Variants in ERBB4 observed in about 807,000 individuals in gnomAD.
ERBB4 encodes the protein erb-b2 receptor tyrosine kinase 4.
In ERBB4, 42 loss-of-function variants were observed where a neutral mutation model predicts 158.0. That is an observed-to-expected ratio of 0.27 (90% CI 0.21 to 0.34). The LOEUF (loss-of-function observed/expected upper bound fraction) is 0.34. ERBB4 is among the 10% of genes least tolerant of loss of function. The pLI is 1.00. For missense variants in ERBB4, 1,333 were observed against 1,624.1 expected, an observed-to-expected ratio of 0.82 and a Z score of 3.08; for synonymous variants, 583 against 558.7, an observed-to-expected ratio of 1.04 and a Z score of -0.61.
intron 16 of ERBB4, among the ~76,000 whole-genome samples, chr2:211,634,603 G>A (rs558331528): frequency 6.6e-6 from 1 of 152,066 alleles, no homozygotes; most frequent in Non-Finnish European, 1.5e-5. Context: ...TTAAATGGCT[G>A]TGCATCTCTC....
intron 1 of ERBB4, among the ~76,000 whole-genome samples, chr2:212,256,840 A>G (rs750217824): frequency 3.9e-5 from 6 of 152,176 alleles, no homozygotes; most frequent in Non-Finnish European, 7.3e-5. Flanking sequence ...CTTTGTCATA[A>G]TCTAAGCAAA....
intron 3 of ERBB4, among the ~76,000 whole-genome samples, chr2:211,842,629 T>C (rs2077498606): frequency 6.6e-6 from 1 of 152,050 alleles, no homozygotes; most frequent in Non-Finnish European, 1.5e-5. Context: ...AAACATTTTA[T>C]TTTGTTAAGT....
intron 1 of ERBB4, among the ~76,000 whole-genome samples, chr2:212,483,904 T>G (rs1327143236): frequency 6.6e-6 from 1 of 152,062 alleles, no homozygotes; most frequent in Non-Finnish European, 1.5e-5. Context: ...GCCCCTCTAA[T>G]TTTTTTAATT....
chr2:212,476,286 T>A (rs1689389681), intron 1 of ERBB4, among the ~76,000 whole-genome samples: 1 of 152,180 alleles, frequency 6.6e-6, no homozygotes, highest in South Asian at 2.1e-4. Flanking sequence ...GCAAAAACTT[T>A]AAGTTAGGAA....
rs1409148698 is a variant in ERBB4, at chr2:211,580,823, AT to A, written c.2302-18736del. Among the ~76,000 whole-genome samples the A allele has an allele frequency of 1.6e-3, 70 of 45,102 alleles. 8 individuals are homozygous for A. Among genetic ancestry groups the A allele is most frequent in the African/African-American group, 3.6e-3 (67 of 18,594 alleles). 29.6% of individuals were successfully genotyped at this position (45,102 alleles called of 152,430 possible). ...ATATATATATATATAATATATATAT[AT>A]TATATATATAGATTATATATTATAT... On this transcript the variant is annotated intron_variant, in intron 19 of 27. Transcript: ENST00000342788.
intron 5 of ERBB4, among the ~76,000 whole-genome samples, chr2:211,727,829 C>G (rs949376909): frequency 7.2e-5 from 11 of 151,904 alleles, no homozygotes; most frequent in African/African-American, 2.7e-4. Flanking sequence ...ACTAAAATGG[C>G]ACTTGGACTC....
At chr2:211,838,985 G>A (rs1323518685) in intron 3 of ERBB4, among the ~76,000 whole-genome samples, 1 of 152,130 alleles carries the variant, frequency 6.6e-6, no homozygotes. Context: ...AACTGAATAA[G>A]TGTAGGTAAT....
intron 3 of ERBB4, among the ~76,000 whole-genome samples, chr2:211,826,127 C>T (rs1430244743): frequency 1.3e-5 from 2 of 151,348 alleles, no homozygotes; most frequent in African/African-American, 4.8e-5. Flanking sequence ...TCAACACAAA[C>T]ACTAAAAGTT....
At chr2:212,489,687 C>T (rs1229963574) in intron 1 of ERBB4, among the ~76,000 whole-genome samples, 2 of 151,226 alleles carry the variant, frequency 1.3e-5, no homozygotes, top group Non-Finnish European at 3.0e-5. Context: ...GGAGCTAGGA[C>T]TTCTCTTTTT....
chr2:212,077,159 G>A (rs540638747), intron 2 of ERBB4, among the ~76,000 whole-genome samples: 3 of 151,944 alleles, frequency 2.0e-5, no homozygotes, highest in African/African-American at 4.8e-5. Context: ...AAAGATATGG[G>A]ACAATGGGAA....
chr2:212,190,767 T>C (rs543969918), intron 1 of ERBB4, among the ~76,000 whole-genome samples: 1 of 152,298 alleles, frequency 6.6e-6, no homozygotes, highest in Non-Finnish European at 1.5e-5. Flanking sequence ...AATGAATGTA[T>C]TTTGGATAAA....
intron 12 of ERBB4, among the ~76,000 whole-genome samples, chr2:211,700,484 T>C (rs930659867): frequency 6.6e-6 from 1 of 152,192 alleles, no homozygotes; most frequent in African/African-American, 2.4e-5. Context: ...AGATCTCCTT[T>C]ATTTGGAAAT....
intron 3 of ERBB4, among the ~76,000 whole-genome samples, chr2:211,885,959 G>A (rs568183735): frequency 6.6e-6 from 1 of 152,240 alleles, no homozygotes; most frequent in East Asian, 1.9e-4. Context: ...ATCTAACAAT[G>A]TGGAGAATTA....
intron 4 of ERBB4, among the ~76,000 whole-genome samples, chr2:211,762,986 T>G (rs1251674351): frequency 6.6e-6 from 1 of 152,138 alleles, no homozygotes; most frequent in Admixed American, 6.6e-5. Context: ...TATCAAATAA[T>G]TATTTGCCTG....
intron 3 of ERBB4, among the ~76,000 whole-genome samples, chr2:211,816,676 A>C (rs1462845146): frequency 1.3e-5 from 2 of 152,176 alleles, no homozygotes; most frequent in Non-Finnish European, 2.9e-5. Flanking sequence ...CACATATCTC[A>C]ACTAATTTTA....
At chr2:211,735,022 C>G (rs187597630) in intron 5 of ERBB4, among the ~76,000 whole-genome samples, 5 of 149,462 alleles carry the variant, frequency 3.3e-5, no homozygotes, top group Admixed American at 3.3e-4. Context: ...ACATGGCATA[C>G]ATATTTTTGT....
intron 2 of ERBB4, among the ~76,000 whole-genome samples, chr2:211,984,464 A>G (rs1300573731): frequency 1.3e-5 from 2 of 152,158 alleles, no homozygotes; most frequent in Non-Finnish European, 2.9e-5. Context: ...GTACAGCAAA[A>G]GTTTGGAAAT....
rs963151634 is a variant in ERBB4, at chr2:211,908,417, T to G, written c.421+39013A>C. Among the ~76,000 whole-genome samples the G allele has an allele frequency of 5.9e-5, 9 of 151,810 alleles. 1 individual carries two copies. Among genetic ancestry groups the G allele is most frequent in the Admixed American group, 1.3e-4 (2 of 15,188 alleles). On this transcript the variant is annotated intron_variant, in intron 3 of 27. Coordinates refer to ENST00000342788, the MANE Select transcript of ERBB4 (RefSeq NM_005235.3). ...GTAGATTTTCTCTCTACTATTATACTTGGGGTTTCAAATCTATTGAGGAAT... is the reference window on the plus strand; with the variant it reads ...GTAGATTTTCTCTCTACTATTATACGTGGGGTTTCAAATCTATTGAGGAAT...
Position 211,672,833 on chromosome 2 carries a change from T to C in ERBB4, c.1716+331A>G, listed in dbSNP as rs114475081. 2.4e-3 allele frequency among the ~76,000 whole-genome samples: 371 copies of C among 152,330 alleles called. 3 individuals are homozygous for C. Among genetic ancestry groups the C allele is most frequent in the African/African-American group, 8.3e-3 (345 of 41,574 alleles). ...AGTTTTTCCTTCATTTGTGTTTCTATAACAATTTATAAATATTTTTATTAT... is the reference window on the plus strand; with the variant it reads ...AGTTTTTCCTTCATTTGTGTTTCTACAACAATTTATAAATATTTTTATTAT... On this transcript the variant is annotated intron_variant, in intron 14 of 27. Transcript: ENST00000342788.
Sources: allele counts gnomAD v4.1 joint callset (sites outside exome capture counted in the v4.1 genomes callset), GRCh38; gene constraint gnomAD v4.1.1; transcripts MANE v1.5; gene names NCBI Gene and HGNC (gene_info 2026-07-23, HGNC 2026-07-21).